NLK: variants seen among roughly 807,000 people sequenced by gnomAD.
NLK encodes the protein serine/threonine-protein kinase NLK.
A neutral mutation model predicts 59.0 loss-of-function variants in NLK; 11 were observed. The ratio of observed to expected loss-of-function variants is 0.19; its 90% CI spans 0.12 to 0.31. The LOEUF is 0.31. NLK is among the 10% of genes least tolerant of loss of function. The probability of loss-of-function intolerance (pLI) is 1.00; values close to 1 mark genes in which losing one functional copy is unlikely to be tolerated. For synonymous variants in NLK, 235 were observed against 235.9 expected (o/e 1.00, Z 0.03); for missense variants, 410 against 661.1 (o/e 0.62, Z 4.16).
chr17:28,169,711 G>T (rs112015530), intron 6 of NLK, among the ~76,000 whole-genome samples: 5,618 of 145,958 alleles, frequency 0.038, 339 homozygotes, highest in African/African-American at 0.14. Context: ...TTTTTTTGCT[G>T]CTTCTTCTTC....
intron 1 of NLK, among the ~76,000 whole-genome samples, chr17:28,075,543 C>T (rs1910137379): frequency 6.6e-6 from 1 of 152,208 alleles, no homozygotes; most frequent in Non-Finnish European, 1.5e-5. Flanking sequence ...TCTTGAGTCT[C>T]TTTGGAATTT....
intron 1 of NLK, among the ~76,000 whole-genome samples, chr17:28,091,742 G>C (rs1318775315): frequency 2.0e-5 from 3 of 152,226 alleles, no homozygotes; most frequent in Middle Eastern, 3.4e-3. Flanking sequence ...TTCCTTTCCT[G>C]TTAAGAGACC....
intron 1 of NLK, chr17:28,048,127 C>T (rs150589084): frequency 1.8e-5 from 7 of 391,638 alleles, no homozygotes; most frequent in African/African-American, 8.2e-5. Context: ...TAACTACAAA[C>T]GAACTTACTT....
intron 8 of NLK, among the ~76,000 whole-genome samples, chr17:28,186,867 C>G (rs1040584839): frequency 6.6e-6 from 1 of 152,326 alleles, no homozygotes; most frequent in Middle Eastern, 3.4e-3. Context: ...ATAAGCCTGA[C>G]AAAGTGGCAG....
chr17:28,172,676 C>A, intron 7 of NLK, 58 bp downstream of exon 7: 1 of 959,266 alleles, frequency 1.0e-6, no homozygotes, highest in Admixed American at 3.4e-5. Flanking sequence ...GATTTCCCTT[C>A]CAATAGAGTA....
chr17:28,185,193 A>G lies in NLK; in HGVS notation c.1164A>G (p.Val388=), dbSNP rs756794312. ...TTTTTTCACAGCCATCTCTTCCTGT[A>G]CTCTATACCCTGTCTAGCCAGGCTA... ...RGPHKQPSLP[V]LYTLSSQATH... is the part of the protein sequence containing the mutation. Residue 388 remains valine, a synonymous_variant, in exon 8 of 11, where the codon GTA becomes GTG. Transcript: ENST00000407008. The G allele has an allele frequency of 6.3e-7, 1 of 1,583,588 alleles. No individual in the cohort carries two copies. The highest frequency in any genetic ancestry group is 8.6e-7 in the Non-Finnish European group (1 of 1,163,610).
chr17:28,131,478 G>A (rs1240175504), intron 2 of NLK, among the ~76,000 whole-genome samples: 2 of 148,764 alleles, frequency 1.3e-5, no homozygotes. Flanking sequence ...AAAGGGTAGA[G>A]ATGAAATAAG....
the NLK span, among the ~76,000 whole-genome samples, chr17:28,202,829 C>T: frequency 6.6e-6 from 1 of 151,696 alleles, no homozygotes; most frequent in Non-Finnish European, 1.5e-5. Flanking sequence ...ATTACAGGCA[C>T]TCACCACCAC....
Position 28,130,275 on chromosome 17 carries a change from T to G in NLK, c.589-2345T>G, listed in dbSNP as rs537006619. On this transcript the variant is annotated intron_variant, in intron 2 of 10. Coordinates refer to ENST00000407008, the MANE Select transcript of NLK (RefSeq NM_016231.5). ...GAGTTTCGAACTCTGCCACTATACC[T>G]TCTCACTTACTCATTTACATTGCTT... Among the ~76,000 whole-genome samples, 3 of 152,308 alleles carry G rather than the reference T, an allele frequency of 2.0e-5. No homozygotes were observed. The South Asian group carries it at 6.2e-4, about 32-fold the overall frequency.
chr17:28,128,312 G>A lies in NLK; in HGVS notation c.589-4308G>A, dbSNP rs926264468. On this transcript the variant is annotated intron_variant, in intron 2 of 10. Coordinates refer to ENST00000407008, the MANE Select transcript of NLK (RefSeq NM_016231.5). The stretch of plus-strand genomic sequence containing the variant: ...TTAAGAACTAAATGTTCAATTAAGA[G>A]AATGAAAAGACAGACCTCAAACATA... Among the ~76,000 whole-genome samples the A allele has an allele frequency of 3.9e-5, 6 of 152,140 alleles. No individual in the cohort carries two copies. The South Asian group carries it at 1.0e-3, about 26-fold the overall frequency.
chr17:28,197,166 A>G (rs1909502957), downstream of NLK, among the ~76,000 whole-genome samples: 1 of 152,076 alleles, frequency 6.6e-6, no homozygotes, highest in East Asian at 1.9e-4. Flanking sequence ...GTTAACACAT[A>G]TCATTTTGAA....
chr17:28,173,024 T>C (rs1253966761), intron 7 of NLK, among the ~76,000 whole-genome samples: 2 of 152,206 alleles, frequency 1.3e-5, no homozygotes, highest in Admixed American at 1.3e-4. Flanking sequence ...GCTGTTGCTA[T>C]TGCACTCTTG....
intron 1 of NLK, among the ~76,000 whole-genome samples, chr17:28,085,775 C>A (rs1343565150): frequency 6.6e-6 from 1 of 152,000 alleles, no homozygotes; most frequent in Non-Finnish European, 1.5e-5. Context: ...CTGAAAGATT[C>A]CTATTGCCCA....
chr17:28,150,177 G>A (rs1907423690), intron 3 of NLK, among the ~76,000 whole-genome samples: 1 of 152,164 alleles, frequency 6.6e-6, no homozygotes, highest in African/African-American at 2.4e-5. Context: ...TAAAGTAGGT[G>A]TTATGAGGAT....
downstream of NLK, among the ~76,000 whole-genome samples, chr17:28,200,545 G>A (rs184715643): frequency 7.9e-4 from 120 of 152,288 alleles, no homozygotes; most frequent in African/African-American, 2.4e-3. Context: ...GTGTAGTGGC[G>A]CGATCTCAGC....
intron 8 of NLK, among the ~76,000 whole-genome samples, chr17:28,185,742 T>C (rs1277603654): frequency 2.6e-5 from 4 of 152,148 alleles, no homozygotes; most frequent in Non-Finnish European, 4.4e-5. Flanking sequence ...TCTCACTATA[T>C]TGCCCAGGCT....
chr17:28,117,312 G>A (rs1459826212), intron 1 of NLK, among the ~76,000 whole-genome samples: 1 of 152,202 alleles, frequency 6.6e-6, no homozygotes, highest in African/African-American at 2.4e-5. Context: ...AACTTATCCA[G>A]TATTATTGGT....
chr17:28,098,589 C>G (rs540476474), intron 1 of NLK, among the ~76,000 whole-genome samples: 1 of 150,494 alleles, frequency 6.6e-6, no homozygotes, highest in Non-Finnish European at 1.5e-5. Context: ...ATGGATATTT[C>G]ATTATTTAAC....
intron 1 of NLK, among the ~76,000 whole-genome samples, chr17:28,117,335 G>T (rs1212271865): frequency 6.6e-6 from 1 of 152,052 alleles, no homozygotes; most frequent in Non-Finnish European, 1.5e-5. Context: ...GGACTGAAAG[G>T]GTCTTAAGAG....
Sources: allele counts gnomAD v4.1 joint callset (sites outside exome capture counted in the v4.1 genomes callset), GRCh38; gene constraint gnomAD v4.1.1; transcripts MANE v1.5; gene names NCBI Gene and HGNC (gene_info 2026-07-23, HGNC 2026-07-21).